TSPAN15: variants seen among roughly 807,000 people sequenced by gnomAD.
The protein encoded by TSPAN15 is tetraspanin-15.
A neutral mutation model predicts 34.5 loss-of-function variants in TSPAN15; 20 were observed. That is an observed-to-expected ratio of 0.58 (90% CI 0.41 to 0.84). The LOEUF (loss-of-function observed/expected upper bound fraction) is 0.84. Ranked by LOEUF, TSPAN15 falls within the 40% of genes least tolerant of loss-of-function variation. The pLI is 0.00. For missense variants in TSPAN15, 313 were observed against 386.1 expected (o/e 0.81, Z 1.59); for synonymous variants, 155 against 153.9 (o/e 1.01, Z -0.05).
At chr10:69,526,974 A>G in the TSPAN15 span, among the ~76,000 whole-genome samples, 8 of 147,778 alleles carry the variant, frequency 5.4e-5, 1 homozygote, top group Non-Finnish European at 8.9e-5. Context: ...ATTCCTAGGT[A>G]TATGCCTAAG....
the TSPAN15 span, among the ~76,000 whole-genome samples, chr10:69,537,348 C>G: frequency 2.0e-5 from 3 of 152,182 alleles, no homozygotes; most frequent in East Asian, 3.8e-4. Flanking sequence ...ATGTGCATTG[C>G]TTTTGCAACA....
downstream of TSPAN15, chr10:69,507,786 A>T: frequency 7.2e-6 from 4 of 556,862 alleles, no homozygotes; most frequent in Non-Finnish European, 1.1e-5. Flanking sequence ...AAGATTTGGC[A>T]TAGCTTGGGA....
chr10:69,539,476 GA>G, the TSPAN15 span, among the ~76,000 whole-genome samples: 1 of 62,578 alleles, frequency 1.6e-5, no homozygotes, highest in Non-Finnish European at 3.3e-5. Flanking sequence ...GAAGGAGAAG[GA>G]GAAGGAGAAG....
At chr10:69,474,413 A>G (rs1049603084) in intron 1 of TSPAN15, among the ~76,000 whole-genome samples, 1 of 152,154 alleles carries the variant, frequency 6.6e-6, no homozygotes, top group Non-Finnish European at 1.5e-5. Flanking sequence ...GGGCTCCGAA[A>G]GGCTGCCAGG....
chr10:69,472,028 T>A (rs1359446889), intron 1 of TSPAN15, among the ~76,000 whole-genome samples: 1 of 152,194 alleles, frequency 6.6e-6, no homozygotes, highest in Non-Finnish European at 1.5e-5. Context: ...GAAAAGGAGT[T>A]CTGAGACCAA....
chr10:69,507,477 G>A lies in TSPAN15; in HGVS notation c.*499G>A. On this transcript the variant is annotated 3_prime_UTR_variant, in exon 8 of 8. Coordinates refer to ENST00000373290, the MANE Select transcript of TSPAN15 (RefSeq NM_012339.5). The stretch of plus-strand genomic sequence containing the variant: ...CTTCTCAGCCTCCCAGGTGCCTTGA[G>A]CCCTCTTGCAAGGGCGGCTGCTTCC... The A allele has an allele frequency of 7.7e-7, 1 of 1,303,870 alleles. No individual in the cohort carries two copies. The highest frequency in any genetic ancestry group is 1.0e-6 in the Non-Finnish European group (1 of 989,272). 80.8% of individuals were successfully genotyped at this position (1,303,870 alleles called of 1,614,324 possible).
chr10:69,531,947 AAAAC>A, the TSPAN15 span, among the ~76,000 whole-genome samples: 2 of 128,488 alleles, frequency 1.6e-5, no homozygotes, highest in East Asian at 6.1e-4. Context: ...AAACAAAAAA[AAAAC>A]AAAAAAAAAA....
the TSPAN15 span, among the ~76,000 whole-genome samples, chr10:69,544,821 G>A: frequency 6.6e-6 from 1 of 152,284 alleles, no homozygotes; most frequent in Non-Finnish European, 1.5e-5. Context: ...CCTTCGACTC[G>A]GGAGGAAGGG....
chr10:69,534,174 A>G, the TSPAN15 span, among the ~76,000 whole-genome samples: 1 of 152,230 alleles, frequency 6.6e-6, no homozygotes, highest in Admixed American at 6.5e-5. Context: ...CATATTTAAG[A>G]TCTTCAATGA....
At chr10:69,456,475 G>A (rs565549908) in intron 1 of TSPAN15, among the ~76,000 whole-genome samples, 3 of 152,062 alleles carry the variant, frequency 2.0e-5, no homozygotes, top group East Asian at 3.9e-4. Context: ...ATAGGTTCAA[G>A]TTGCCCTGAA....
chr10:69,528,147 C>T, the TSPAN15 span, among the ~76,000 whole-genome samples: 1 of 148,244 alleles, frequency 6.7e-6, no homozygotes, highest in Non-Finnish European at 1.5e-5. Context: ...GGAGTCTGGT[C>T]ACTGTGCACA....
In TSPAN15 at chr10:69,507,281, C is replaced by T; in HGVS notation, c.*303C>T. On this transcript the variant is annotated 3_prime_UTR_variant, in exon 8 of 8. Transcript: ENST00000373290. Reference sequence around the variant, plus strand: ...GGGAGGGAGAGCCTGAGGCTCTGCTCAGGGCCCATTTCATCTCTGGCAGTG... The same window carrying T: ...GGGAGGGAGAGCCTGAGGCTCTGCTTAGGGCCCATTTCATCTCTGGCAGTG... 1 of 1,315,376 alleles carries T rather than the reference C, an allele frequency of 7.6e-7. No homozygotes were observed. Among genetic ancestry groups the T allele is most frequent in the Non-Finnish European group, 9.7e-7 (1 of 1,026,766 alleles). 81.5% of individuals were successfully genotyped at this position (1,315,376 alleles called of 1,614,324 possible).
chr10:69,516,865 G>T, the TSPAN15 span, among the ~76,000 whole-genome samples: 1 of 152,254 alleles, frequency 6.6e-6, no homozygotes, highest in South Asian at 2.1e-4. Flanking sequence ...GTGGTGCCTG[G>T]GACATAAGGG....
At chr10:69,537,001 AG>A in the TSPAN15 span, among the ~76,000 whole-genome samples, 12 of 150,108 alleles carry the variant, frequency 8.0e-5, no homozygotes, top group South Asian at 1.1e-3. Flanking sequence ...AAAAAAAAAA[AG>A]CACAGCAGTC....
At chr10:69,481,206 T>C (rs111497282) in intron 1 of TSPAN15, among the ~76,000 whole-genome samples, 2 of 152,342 alleles carry the variant, frequency 1.3e-5, no homozygotes, top group African/African-American at 4.8e-5. Flanking sequence ...TGTATGTGTG[T>C]GTCCTGCCTT....
chr10:69,494,198 A>G (rs1842028981), intron 3 of TSPAN15, among the ~76,000 whole-genome samples: 1 of 152,168 alleles, frequency 6.6e-6, no homozygotes, highest in African/African-American at 2.4e-5. Flanking sequence ...CTCGTGCCTC[A>G]GAGGCTGCCT....
chr10:69,542,440 T>C, the TSPAN15 span, among the ~76,000 whole-genome samples: 2 of 152,342 alleles, frequency 1.3e-5, no homozygotes, highest in African/African-American at 2.4e-5. Flanking sequence ...ATATTTATAC[T>C]AGTATGTCAC....
At chr10:69,457,474 G>A (rs1013897029) in intron 1 of TSPAN15, among the ~76,000 whole-genome samples, 2 of 152,188 alleles carry the variant, frequency 1.3e-5, no homozygotes, top group African/African-American at 2.4e-5. Context: ...ACTTTCAAGT[G>A]GGTAAAGGTG....
At chr10:69,543,844 AGTGTGTGTGTGTGTGTGT>A in the TSPAN15 span, among the ~76,000 whole-genome samples, 382 of 73,810 alleles carry the variant, frequency 5.2e-3, 4 homozygotes, top group African/African-American at 0.013. Flanking sequence ...GAAGAAGGGG[AGTGTGTGTGTGTGTGTGT>A]GTGTGTGTGT....
Sources: allele counts gnomAD v4.1 joint callset (sites outside exome capture counted in the v4.1 genomes callset), GRCh38; gene constraint gnomAD v4.1.1; transcripts MANE v1.5; gene names NCBI Gene and HGNC (gene_info 2026-07-23, HGNC 2026-07-21).